The following FAM76B variants were observed in gnomAD, a reference collection of about 807,000 sequenced individuals.
The protein encoded by FAM76B is protein FAM76B.
FAM76B carries 16 observed loss-of-function variants against 51.8 expected under a neutral mutation model. The ratio of observed to expected loss-of-function variants is 0.31; its 90% CI spans 0.21 to 0.47. FAM76B has a LOEUF of 0.47. FAM76B is among the 20% of genes least tolerant of loss of function. The probability of loss-of-function intolerance (pLI) is 1.00; values close to 1 mark genes in which losing one functional copy is unlikely to be tolerated. For synonymous variants in FAM76B, 166 were observed against 129.5 expected (o/e 1.28, Z -1.91); for missense variants, 342 against 392.6 (o/e 0.87, Z 1.09).
In FAM76B at chr11:95,783,229, T is replaced by A; in HGVS notation, c.399A>T (p.Leu133Phe). 6.2e-7 allele frequency: 1 copy of A among 1,613,552 alleles called. No individual in the cohort carries two copies. Among genetic ancestry groups the A allele is most frequent in the Non-Finnish European group, 8.5e-7 (1 of 1,179,954 alleles). ...TCTTCTGTAAAACTCTTTTGTACGA[T>A]AAAGTACAGAGCCAGCATAATAACT... ...DGKLLCWLCT[L>F]SYKRVLQKTK... The change falls in exon 5 of 10, where the codon TTA becomes TTT. Residue 133 changes from leucine (L) to phenylalanine (F), a missense_variant. By Grantham distance (22) the Leu-to-Phe change is conservative (BLOSUM62 0). Around this residue, in one of 3 missense-constraint regions of FAM76B, gnomAD observed 230 missense variants for 257.4 expected, o/e 0.89. Transcript: ENST00000358780.
In FAM76B at chr11:95,786,248, T is replaced by C; in HGVS notation, c.234A>G (p.Ile78Met). ...ACTTGGTACCAATAAATGCTGCAATTATGTTACAGTACTGACAAGGCTTGG... is the reference window on the plus strand; with the variant it reads ...ACTTGGTACCAATAAATGCTGCAATCATGTTACAGTACTGACAAGGCTTGG... ...GTPKPCQYCN[I>M]IAAFIGTKCQ... Residue 78 changes from isoleucine to methionine, a missense_variant, in exon 4 of 10, where the codon ATA (isoleucine) becomes ATG (methionine). This residue lies in a region of FAM76B where 96 missense variants were observed against 94.7 expected (regional missense o/e 1.01). Coordinates refer to ENST00000358780, the MANE Select transcript of FAM76B (RefSeq NM_144664.5). The C allele has an allele frequency of 6.2e-7, 1 of 1,614,152 alleles. No individual in the cohort carries two copies.
Position 95,771,661 on chromosome 11 carries a change from CA to C in FAM76B, c.931-12del, listed in dbSNP as rs1181709298. The C allele has an allele frequency of 6.3e-7, 1 of 1,588,684 alleles. No homozygotes were observed. Among genetic ancestry groups the C allele is most frequent in the Non-Finnish European group, 8.6e-7 (1 of 1,161,574 alleles). On this transcript the variant is annotated splice_polypyrimidine_tract_variant and intron_variant, in intron 9 of 9. Coordinates refer to ENST00000358780, the MANE Select transcript of FAM76B (RefSeq NM_144664.5). The stretch of plus-strand genomic sequence containing the variant: ...TTCTCTGTTTTTGGCCTGTGGGAGA[CA>C]AAAACATTCAAGATTAAAAATGTTT...
At chr11:95,780,407 G>C (rs1444338294) in intron 5 of FAM76B, among the ~76,000 whole-genome samples, 7 of 151,776 alleles carry the variant, frequency 4.6e-5, no homozygotes. Context: ...TTCTTTCCTA[G>C]TTTTCTTAAG....
intron 8 of FAM76B, among the ~76,000 whole-genome samples, chr11:95,777,628 C>T (rs1366061070): frequency 1.3e-5 from 2 of 151,220 alleles, no homozygotes; most frequent in Non-Finnish European, 3.0e-5. Flanking sequence ...CAAAGACACC[C>T]GTAACTATCC....
At chr11:95,780,687 C>T (rs1240425535) in intron 5 of FAM76B, among the ~76,000 whole-genome samples, 1 of 152,044 alleles carries the variant, frequency 6.6e-6, no homozygotes, top group East Asian at 1.9e-4. Flanking sequence ...TCCTATGAAC[C>T]AGATGCCACG....
At chr11:95,782,317 T>C (rs1026284003) in intron 5 of FAM76B, among the ~76,000 whole-genome samples, 1 of 152,124 alleles carries the variant, frequency 6.6e-6, no homozygotes, top group Non-Finnish European at 1.5e-5. Context: ...AGGAGAATTT[T>C]TTTTTCCCAA....
intron 1 of FAM76B, chr11:95,788,981 G>A (rs759209812): frequency 7.3e-5 from 98 of 1,348,888 alleles, no homozygotes; most frequent in South Asian, 1.2e-4. Context: ...TCAGCTTTGC[G>A]GCTTCGGGTT....
At chr11:95,787,787 G>C in intron 2 of FAM76B, 109 bp from the exon 3 acceptor site, 2 of 874,302 alleles carry the variant, frequency 2.3e-6, no homozygotes, top group Non-Finnish European at 3.5e-6. Context: ...ACTTTAATAA[G>C]GACCACGGAT....
At chr11:95,785,976 C>G in intron 4 of FAM76B, 143 bp downstream of exon 4, 2 of 945,776 alleles carry the variant, frequency 2.1e-6, no homozygotes, top group Non-Finnish European at 3.1e-6. Context: ...AGAAAACTCA[C>G]TATTCCTGCA....
rs1274765745 is a variant in FAM76B at position 95,770,168 on chromosome 11, CTGATAA to C, written c.*1387_*1392del. The C allele has an allele frequency of 2.6e-5, 4 of 151,620 alleles. No individual in the cohort carries two copies. The highest frequency in any genetic ancestry group is 5.9e-5 in the Non-Finnish European group (4 of 67,548). 9.4% of individuals were successfully genotyped at this position (151,620 alleles called of 1,614,324 possible). A position where few individuals can be genotyped will look rare whatever the true frequency, so the allele number is the denominator to read the frequency against. On this transcript the variant is annotated 3_prime_UTR_variant, in exon 10 of 10. Coordinates refer to ENST00000358780, the MANE Select transcript of FAM76B (RefSeq NM_144664.5). ...TTTAAAATCAAACTAAAACTCTGAA[CTGATAA>C]TAACTAGGAGATAAATTCTATTTCA...
In FAM76B at chr11:95,771,220, C is replaced by G. The variant is rs1316160941; in HGVS notation, c.*341G>C. 6.4e-6 allele frequency: 1 copy of G among 155,634 alleles called. No individual in the cohort carries two copies. Among genetic ancestry groups the G allele is most frequent in the East Asian group, 1.9e-4 (1 of 5,382 alleles). 9.6% of individuals were successfully genotyped at this position (155,634 alleles called of 1,614,324 possible). ...AAAACAAAAACAAAACAAAAAAACC[C>G]TGCTGCTCTGACTTCTGAAACCATA... On this transcript the variant is annotated 3_prime_UTR_variant, in exon 10 of 10. Coordinates refer to ENST00000358780, the MANE Select transcript of FAM76B (RefSeq NM_144664.5).
At chr11:95,780,479 C>CTTTCA (rs1860210403) in intron 5 of FAM76B, among the ~76,000 whole-genome samples, 1 of 151,936 alleles carries the variant, frequency 6.6e-6, no homozygotes, top group East Asian at 1.9e-4. Context: ...TACGCTGAAA[C>CTTTCA]TATTGAGAAA....
rs1463399306 is a variant in FAM76B, at chr11:95,769,798, T to C, written c.*1763A>G. On this transcript the variant is annotated 3_prime_UTR_variant, in exon 10 of 10. Coordinates refer to ENST00000358780, the MANE Select transcript of FAM76B (RefSeq NM_144664.5). ...AGAAAATTATTACATGAAGATCCCA[T>C]AAAAATAAACTGGTTTAGTTTACAA... 6.6e-6 allele frequency: 1 copy of C among 151,338 alleles called. No homozygotes were observed. The highest frequency in any genetic ancestry group is 1.5e-5 in the Non-Finnish European group (1 of 67,660). 9.4% of individuals were successfully genotyped at this position (151,338 alleles called of 1,614,324 possible). A position where few individuals can be genotyped will look rare whatever the true frequency, so the allele number is the denominator to read the frequency against.
In FAM76B at chr11:95,789,557, C is replaced by A. The variant is rs527351384; in HGVS notation, c.-79G>T. Reference sequence around the variant, plus strand: ...GGAGAACCCGAGAGCCGCCGCCGCCCGGGCCGCGGGCTCCTCCTCCTCCCC... The same window carrying A: ...GGAGAACCCGAGAGCCGCCGCCGCCAGGGCCGCGGGCTCCTCCTCCTCCCC... On this transcript the variant is annotated 5_prime_UTR_variant, in exon 1 of 10. Transcript: ENST00000358780. 9 of 1,320,892 alleles carry A rather than the reference C, an allele frequency of 6.8e-6. No individual in the cohort carries two copies. The South Asian group carries it at 1.1e-4, about 16-fold the overall frequency. 81.8% of individuals were successfully genotyped at this position (1,320,892 alleles called of 1,614,324 possible). A position where few individuals can be genotyped will look rare whatever the true frequency, so the allele number is the denominator to read the frequency against.
intron 5 of FAM76B, 78 bp downstream of exon 5, chr11:95,782,987 T>C (rs916463052): frequency 6.4e-7 from 1 of 1,555,926 alleles, no homozygotes; most frequent in Non-Finnish European, 8.7e-7. Context: ...ATAGTCAATA[T>C]TTGCAAGAAG....
chr11:95,784,770 G>A (rs1328399666), intron 4 of FAM76B, among the ~76,000 whole-genome samples: 1 of 151,926 alleles, frequency 6.6e-6, no homozygotes, highest in African/African-American at 2.4e-5. Flanking sequence ...TGTATTTTTA[G>A]TAGAAACGGG....
At position 95,769,088 on chromosome 11, in the gene FAM76B, T is replaced by C. The variant is rs976028340; in HGVS notation, c.*2473A>G. 6.6e-6 allele frequency: 1 copy of C among 152,434 alleles called. No homozygotes were observed. Among genetic ancestry groups the C allele is most frequent in the African/African-American group, 2.4e-5 (1 of 41,432 alleles). 9.4% of individuals were successfully genotyped at this position (152,434 alleles called of 1,614,324 possible). ...CTTAACAGGTTCACTGCAGAATGCATATTTAGACCAATATAATCTAAAAAG... is the reference window on the plus strand; with the variant it reads ...CTTAACAGGTTCACTGCAGAATGCACATTTAGACCAATATAATCTAAAAAG... On this transcript the variant is annotated 3_prime_UTR_variant, in exon 10 of 10. Transcript: ENST00000358780.
chr11:95,783,115 ATGTTTTGGATGATGC>A lies in FAM76B; in HGVS notation c.498_512del (p.Gln166_Lys170del), dbSNP rs779415069. The A allele has an allele frequency of 2.1e-5, 34 of 1,612,918 alleles. No homozygotes were observed. The highest frequency in any genetic ancestry group is 2.7e-5 in the African/African-American group (2 of 74,922). ...GGTGATGGTGATGATGGTGGTGATG[ATGTTTTGGATGATGC>A]TGGTCTTTCTCAGTAAGAGATGAAG... is the stretch of plus-strand genomic sequence containing the variant. On this transcript the variant is annotated inframe_deletion, in exon 5 of 10. Transcript: ENST00000358780.
intron 7 of FAM76B, 97 bp downstream of exon 7, chr11:95,779,510 T>C (rs1860157572): frequency 5.7e-6 from 6 of 1,055,002 alleles, no homozygotes; most frequent in Non-Finnish European, 8.1e-6. Context: ...ATGTAGAAAA[T>C]ACATGTTTCT....
Sources: gnomAD v4.1 joint callset for allele counts (sites outside exome capture counted in the v4.1 genomes callset) on GRCh38, gnomAD v4.1.1 for gene constraint, gnomAD v4.1.1 regional missense constraint, MANE v1.5 for transcripts, NCBI Gene and HGNC (gene_info 2026-07-23, HGNC 2026-07-21) for gene names.